DNER: variants seen among roughly 807,000 people sequenced by gnomAD.
DNER encodes the protein delta/notch like EGF repeat containing.
Under a neutral mutation model 78.2 loss-of-function variants are expected in DNER, and 33 were observed. That is an observed-to-expected ratio of 0.42 (90% CI 0.32 to 0.56). DNER has a LOEUF of 0.56. Ranked by LOEUF, DNER falls within the 20% of genes least tolerant of loss-of-function variation. The probability of loss-of-function intolerance (pLI) is 0.11; values close to 1 mark genes in which losing one functional copy is unlikely to be tolerated. For missense variants in DNER, 918 were observed against 975.3 expected (o/e 0.94, Z 0.78); for synonymous variants, 417 against 384.8 (o/e 1.08, Z -0.98).
chr2:229,607,499 C>A (rs1697960714), intron 1 of DNER, among the ~76,000 whole-genome samples: 1 of 152,128 alleles, frequency 6.6e-6, no homozygotes, highest in African/African-American at 2.4e-5. Flanking sequence ...AAATCCCATG[C>A]TTCTTTTTTG....
intron 11 of DNER, among the ~76,000 whole-genome samples, chr2:229,373,049 C>T (rs1692521902): frequency 2.0e-5 from 3 of 152,032 alleles, no homozygotes; most frequent in Admixed American, 6.6e-5. Flanking sequence ...TGGGAAAGAA[C>T]ATATAACTAA....
chr2:229,369,371 A>C (rs1692428663), intron 11 of DNER, among the ~76,000 whole-genome samples: 1 of 151,228 alleles, frequency 6.6e-6, no homozygotes, highest in Admixed American at 6.6e-5. Context: ...AGTTAAAAAA[A>C]AGTTTTAACT....
At chr2:229,600,989 G>T (rs1697815873) in intron 1 of DNER, among the ~76,000 whole-genome samples, 1 of 152,188 alleles carries the variant, frequency 6.6e-6, no homozygotes, top group East Asian at 1.9e-4. Context: ...TTGCCACCTG[G>T]AGGTACTGTG....
chr2:229,361,179 C>T (rs1297108638), intron 12 of DNER, among the ~76,000 whole-genome samples: 2 of 151,828 alleles, frequency 1.3e-5, no homozygotes, highest in Non-Finnish European at 2.9e-5. Flanking sequence ...TGTTGGTAAA[C>T]GAATGTGCAT....
At chr2:229,686,514 CAG>C (rs1194201591) in intron 1 of DNER, among the ~76,000 whole-genome samples, 1 of 152,188 alleles carries the variant, frequency 6.6e-6, no homozygotes, top group Non-Finnish European at 1.5e-5. Flanking sequence ...AGGCAAACCC[CAG>C]AGACTTTATG....
At chr2:229,712,918 T>C (rs73097228) in intron 1 of DNER, among the ~76,000 whole-genome samples, 19,106 of 152,168 alleles carry the variant, frequency 0.13, 1,266 homozygotes, top group Admixed American at 0.17. Context: ...TCTAGATAAA[T>C]GCAAAAAAAT....
At chr2:229,611,980 C>A (rs1426381567) in intron 1 of DNER, among the ~76,000 whole-genome samples, 1 of 152,100 alleles carries the variant, frequency 6.6e-6, no homozygotes, top group Non-Finnish European at 1.5e-5. Flanking sequence ...TTTTGTTATC[C>A]TATTGTTCCT....
chr2:229,443,680 G>T (rs1694283550), intron 8 of DNER, among the ~76,000 whole-genome samples: 2 of 152,184 alleles, frequency 1.3e-5, no homozygotes, highest in Non-Finnish European at 1.5e-5. Context: ...ACTTCAATCT[G>T]CTGCCATTTT....
intron 8 of DNER, among the ~76,000 whole-genome samples, chr2:229,433,707 A>T (rs1457743144): frequency 6.6e-6 from 1 of 152,230 alleles, no homozygotes; most frequent in Non-Finnish European, 1.5e-5. Flanking sequence ...AAGATATTAG[A>T]AGTATTTAAT....
intron 1 of DNER, among the ~76,000 whole-genome samples, chr2:229,625,047 G>C (rs1698312876): frequency 6.6e-6 from 1 of 151,824 alleles, no homozygotes; most frequent in Non-Finnish European, 1.5e-5. Context: ...TTATTATTTT[G>C]TTTTATTATA....
chr2:229,443,262 G>A (rs1256229336), intron 8 of DNER, among the ~76,000 whole-genome samples: 1 of 152,086 alleles, frequency 6.6e-6, no homozygotes, highest in Non-Finnish European at 1.5e-5. Context: ...TCCTGCCAGG[G>A]ACTCCTTCCA....
chr2:229,645,764 C>T (rs1371332985), intron 1 of DNER, among the ~76,000 whole-genome samples: 1 of 152,138 alleles, frequency 6.6e-6, no homozygotes, highest in Non-Finnish European at 1.5e-5. Context: ...ATTTCCTGAC[C>T]TTGTGCCAAG....
intron 1 of DNER, among the ~76,000 whole-genome samples, chr2:229,622,901 G>A (rs13392383): frequency 0.15 from 22,069 of 152,082 alleles, 1,795 homozygotes; most frequent in Middle Eastern, 0.18. Context: ...TCAGACTCCT[G>A]GCCTCCAAAA....
chr2:229,561,088 G>A (rs181132941), intron 4 of DNER, among the ~76,000 whole-genome samples: 2 of 152,264 alleles, frequency 1.3e-5, no homozygotes, highest in African/African-American at 4.8e-5. Context: ...ACGTTTAGAT[G>A]CTTAAAAGAG....
At chr2:229,597,239 T>C (rs1295213795) in intron 1 of DNER, among the ~76,000 whole-genome samples, 1 of 152,252 alleles carries the variant, frequency 6.6e-6, no homozygotes, top group African/African-American at 2.4e-5. Flanking sequence ...TCATTAACAA[T>C]GGCAGCTTTC....
At chr2:229,376,604 G>T (rs1472068040) in intron 11 of DNER, among the ~76,000 whole-genome samples, 2 of 152,222 alleles carry the variant, frequency 1.3e-5, no homozygotes, top group Admixed American at 1.3e-4. Context: ...GAAATACCAT[G>T]TGACATTTTA....
intron 6 of DNER, among the ~76,000 whole-genome samples, chr2:229,479,165 G>A (rs546220995): frequency 2.8e-4 from 43 of 152,180 alleles, no homozygotes; most frequent in Middle Eastern, 6.8e-3. Context: ...TTATGGCTGC[G>A]TAGTATTCCA....
intron 5 of DNER, among the ~76,000 whole-genome samples, chr2:229,544,804 G>A (rs1696588228): frequency 6.6e-6 from 1 of 152,176 alleles, no homozygotes; most frequent in Non-Finnish European, 1.5e-5. Context: ...AAAGTGCTGG[G>A]ATTACAGGCG....
At chr2:229,686,887 C>T (rs1336479778) in intron 1 of DNER, among the ~76,000 whole-genome samples, 1 of 152,200 alleles carries the variant, frequency 6.6e-6, no homozygotes, top group Non-Finnish European at 1.5e-5. Flanking sequence ...CATCATAACA[C>T]AATGTGTACA....
Sources: gnomAD v4.1 joint callset for allele counts (sites outside exome capture counted in the v4.1 genomes callset) on GRCh38, gnomAD v4.1.1 for gene constraint, MANE v1.5 for transcripts, NCBI Gene and HGNC (gene_info 2026-07-23, HGNC 2026-07-21) for gene names.